Variants in EYS observed in about 807,000 individuals in gnomAD.
EYS encodes EGF-like photoreceptor maintenance factor.
In EYS, 250 loss-of-function variants were observed where a neutral mutation model predicts 282.1. That is an observed-to-expected ratio of 0.89 (90% confidence interval 0.80 to 0.98). EYS has a LOEUF of 0.98. EYS is among the 50% of genes least tolerant of loss of function. The pLI is 0.00. For synonymous variants in EYS, 1,355 were observed against 1,282.9 expected, an observed-to-expected ratio of 1.06 and a Z score of -1.20; for missense variants, 4,016 against 3,709.0, an observed-to-expected ratio of 1.08 and a Z score of -2.15.
intron 2 of EYS, among the ~76,000 whole-genome samples, chr6:65,570,873 A>T (rs1764451840): frequency 1.3e-5 from 2 of 152,172 alleles, no homozygotes; most frequent in Admixed American, 1.3e-4. Flanking sequence ...AAAGTAACTG[A>T]AGATTTTTTT....
At chr6:64,142,191 G>A (rs916371654) in intron 31 of EYS, among the ~76,000 whole-genome samples, 7 of 151,928 alleles carry the variant, frequency 4.6e-5, no homozygotes, top group African/African-American at 9.7e-5. Context: ...GCAGCCCCCC[G>A]TTTATGGTCT....
chr6:65,012,564 A>C (rs1423384952), intron 13 of EYS, among the ~76,000 whole-genome samples: 1 of 152,162 alleles, frequency 6.6e-6, no homozygotes, highest in African/African-American at 2.4e-5. Flanking sequence ...ACTTAGGATA[A>C]GGGATAAAGG....
intron 5 of EYS, among the ~76,000 whole-genome samples, chr6:65,464,171 G>A (rs1764916067): frequency 6.6e-6 from 1 of 152,054 alleles, no homozygotes; most frequent in Admixed American, 6.6e-5. Context: ...TCATTCAAAA[G>A]TATACACATT....
intron 35 of EYS, among the ~76,000 whole-genome samples, chr6:63,925,634 A>G (rs1050416068): frequency 6.6e-6 from 1 of 152,096 alleles, no homozygotes; most frequent in African/African-American, 2.4e-5. Flanking sequence ...TCAACCTGTC[A>G]TCTAGGTTTT....
chr6:64,479,087 A>G (rs16895254), intron 26 of EYS, among the ~76,000 whole-genome samples: 7,873 of 152,024 alleles, frequency 0.052, 684 homozygotes, highest in African/African-American at 0.18. Context: ...AATCACCAAT[A>G]TAGTAAAAAA....
At chr6:64,858,014 A>G (rs1355487387) in intron 19 of EYS, among the ~76,000 whole-genome samples, 2 of 152,084 alleles carry the variant, frequency 1.3e-5, no homozygotes, top group African/African-American at 4.8e-5. Context: ...TATCAGATGT[A>G]TGATTCACAA....
chr6:65,476,639 C>T lies in EYS; in HGVS notation c.862+13955G>A, dbSNP rs1372943659. 5.3e-5 allele frequency among the ~76,000 whole-genome samples: 8 copies of T among 151,822 alleles called. No individual in the cohort carries two copies. The East Asian group carries it at 1.4e-3, about 26-fold the overall frequency. ...GTCACCAGGCTGAAGTGCAGTGGTG[C>T]GATCTCAGCTCACTGCAACCTCCAC... On this transcript the variant is annotated intron_variant, in intron 5 of 42. Transcript: ENST00000503581.
At chr6:63,894,874 A>AT (rs1268028987) in intron 35 of EYS, among the ~76,000 whole-genome samples, 1 of 152,122 alleles carries the variant, frequency 6.6e-6, no homozygotes, top group Non-Finnish European at 1.5e-5. Context: ...GGCCTTAGCC[A>AT]CTGCGCCCGG....
At chr6:64,296,575 TATATATATACATATATATATA>T (rs1308566526) in intron 30 of EYS, among the ~76,000 whole-genome samples, 755 of 10,788 alleles carry the variant, frequency 0.07, 38 homozygotes, top group African/African-American at 0.15. Context: ...TATATATATA[TATATATATACATATATATATA>T]TATTTTTTTT....
At chr6:64,530,348 T>C (rs1422213271) in intron 26 of EYS, among the ~76,000 whole-genome samples, 3 of 152,064 alleles carry the variant, frequency 2.0e-5, no homozygotes, top group Non-Finnish European at 1.5e-5. Flanking sequence ...TTAAGTCTAA[T>C]AAAATATCTT....
chr6:64,074,932 G>A (rs941474104), intron 32 of EYS, among the ~76,000 whole-genome samples: 33 of 151,872 alleles, frequency 2.2e-4, no homozygotes, highest in African/African-American at 7.7e-4. Context: ...ACCCTATATT[G>A]TACAATAGCT....
At chr6:65,213,199 G>T (rs1766217916) in intron 12 of EYS, among the ~76,000 whole-genome samples, 1 of 152,146 alleles carries the variant, frequency 6.6e-6, no homozygotes, top group Non-Finnish European at 1.5e-5. Flanking sequence ...AGAGGGTGCT[G>T]CTCATGGAAA....
rs1203009362 is a variant in EYS at position 65,296,078 on chromosome 6, A to T, written c.1808T>A (p.Val603Asp). 3.9e-6 allele frequency: 6 copies of T among 1,550,186 alleles called. No individual in the cohort carries two copies. Residue 603 changes from valine (V) to aspartate (D), a missense_variant, in exon 12 of 43, where the codon GTC (valine) becomes GAC (aspartate). By Grantham distance (152) the Val-to-Asp change is radical. Coordinates refer to ENST00000503581, the MANE Select transcript of EYS (RefSeq NM_001142800.2). ...SLSYIGRLCV[V>D]NVDYCLGNHS... ...GTTCCCTAAGCAATAGTCAACATTG[A>T]CAACACACAATCTGCCAATGTAACT...
rs1447242870 is a variant in EYS at position 64,980,875 on chromosome 6, A to AT, written c.2259+16706_2259+16707insA. Among the ~76,000 whole-genome samples the AT allele has an allele frequency of 2.7e-4, 41 of 151,412 alleles. No individual in the cohort carries two copies. The East Asian group carries it at 7.4e-3, about 27-fold the overall frequency. On this transcript the variant is annotated intron_variant, in intron 14 of 42. Transcript: ENST00000503581. ...TTTGAGTGAGTTAAGATAAAAAAAA[A>AT]CCTTTGAGGCTTAAAAATACCCTTA...
chr6:65,490,685 A>G lies in EYS; in HGVS notation c.771T>C (p.Ile257=). The G allele has an allele frequency of 2.5e-6, 4 of 1,611,766 alleles. No homozygotes were observed. The highest frequency in any genetic ancestry group is 2.2e-5 in the South Asian group (2 of 90,994). The change falls in exon 5 of 43, where the codon ATT becomes ATC. Residue 257 remains isoleucine, a synonymous_variant. Transcript: ENST00000503581. The part of the protein sequence containing the change: ...PFTGKNCSEI[I]GQCQPHVCFH... ...AACAGACATGTGGTTGACACTGGCCAATTATTTCTGAGCAATTCTTTCCTA... is the reference window on the plus strand; with the variant it reads ...AACAGACATGTGGTTGACACTGGCCGATTATTTCTGAGCAATTCTTTCCTA...
intron 31 of EYS, among the ~76,000 whole-genome samples, chr6:64,090,202 T>C (rs1444754253): frequency 6.6e-6 from 1 of 152,154 alleles, no homozygotes; most frequent in Non-Finnish European, 1.5e-5. Context: ...ATTCTCTCTC[T>C]AGTCTATTCT....
intron 35 of EYS, among the ~76,000 whole-genome samples, chr6:63,929,816 A>G (rs1764832960): frequency 6.6e-6 from 1 of 152,138 alleles, no homozygotes; most frequent in Non-Finnish European, 1.5e-5. Context: ...CTCTCACTGT[A>G]TGATTTTACT....
intron 35 of EYS, among the ~76,000 whole-genome samples, chr6:63,872,811 A>G (rs1772848479): frequency 6.6e-6 from 1 of 151,934 alleles, no homozygotes; most frequent in African/African-American, 2.4e-5. Flanking sequence ...TTTGCATCTT[A>G]AAAATTAATC....
chr6:65,661,946 G>A (rs1768018914), intron 1 of EYS, among the ~76,000 whole-genome samples: 3 of 152,024 alleles, frequency 2.0e-5, no homozygotes, highest in Admixed American at 1.3e-4. Context: ...ATGAAAGGAT[G>A]GAGAGGCAAG....
Sources: allele counts gnomAD v4.1 joint callset (sites outside exome capture counted in the v4.1 genomes callset), GRCh38; gene constraint gnomAD v4.1.1; transcripts MANE v1.5; gene names NCBI Gene and HGNC (gene_info 2026-07-23, HGNC 2026-07-21).